Variants in TM9SF1 observed in about 807,000 individuals in gnomAD.
TM9SF1 encodes transmembrane 9 superfamily member 1, also known as MP70 protein family member.
TM9SF1 carries 25 observed loss-of-function variants against 52.4 expected under a neutral mutation model. The ratio of observed to expected loss-of-function variants is 0.48; its 90% CI spans 0.35 to 0.67. The LOEUF is 0.67. TM9SF1 is among the 30% of genes least tolerant of loss of function. The probability of loss-of-function intolerance (pLI) is 0.01; values close to 1 mark genes in which losing one functional copy is unlikely to be tolerated. For synonymous variants in TM9SF1, 284 were observed against 299.8 expected, an observed-to-expected ratio of 0.95 and a Z score of 0.55; for missense variants, 604 against 780.3, an observed-to-expected ratio of 0.77 and a Z score of 2.69.
Position 24,189,289 on chromosome 14 carries a change from C to T in TM9SF1, c.*126G>A. ...CAGGCCCTCTCTGGGGAAGGAATGCCCAAAGGGCAAAAGGGAAGGCAACAA... is the reference window on the plus strand; with the variant it reads ...CAGGCCCTCTCTGGGGAAGGAATGCTCAAAGGGCAAAAGGGAAGGCAACAA... On this transcript the variant is annotated 3_prime_UTR_variant, in exon 6 of 6. Transcript: ENST00000261789. 9.1e-7 allele frequency: 1 copy of T among 1,095,414 alleles called. No homozygotes were observed. 67.9% of individuals were successfully genotyped at this position (1,095,414 alleles called of 1,614,324 possible).
At chr14:24,193,676 T>C (rs1432482016) in intron 2 of TM9SF1, among the ~76,000 whole-genome samples, 5 of 148,800 alleles carry the variant, frequency 3.4e-5, no homozygotes, top group Non-Finnish European at 6.0e-5. Flanking sequence ...ATCCCAACAC[T>C]TTGGGAGGCC....
rs370975656 is a variant in TM9SF1 at position 24,192,216 on chromosome 14, C to T, written c.1108G>A (p.Glu370Lys). 3.3e-5 allele frequency: 53 copies of T among 1,614,068 alleles called. No homozygotes were observed. In the African/African-American group the frequency reaches 4.1e-4, roughly 13 times the overall value. Residue 370 changes from glutamate to lysine, a missense_variant, in exon 4 of 6, where the codon GAG (glutamate) becomes AAG (lysine). By Grantham distance (56) the Glu-to-Lys change is moderately conservative. Transcript: ENST00000261789. The surrounding 1 kb of genome is among the most constrained non-coding windows in gnomAD (Gnocchi z 4.0). ...SSHFYRQIGGERWVWNIILTT... is the reference protein window; with the variant it reads ...SSHFYRQIGGKRWVWNIILTT... ...AGAATGATGTTCCACACCCAACGCT[C>T]GCCTCCAATCTGCCGGTAGAAGTGG... is the stretch of plus-strand genomic sequence containing the variant.
At position 24,193,095 on chromosome 14, in the gene TM9SF1, T is replaced by C. The variant is rs756978670; in HGVS notation, c.520A>G (p.Ile174Val). The change falls in exon 3 of 6, where the codon ATT (isoleucine) becomes GTT (valine). Residue 174 changes from isoleucine (I) to valine (V), a missense_variant. Ile to Val is a conservative substitution (Grantham distance 29, BLOSUM62 3). This residue lies in a region of TM9SF1 where 450 missense variants were observed against 560.1 expected (regional missense o/e 0.80). Transcript: ENST00000261789. ...CGCACTGAAACATTGGCAAATATAA[T>C]TCGGTCTCCATGGAATTCTAGGTGG... is the stretch of plus-strand genomic sequence containing the variant. ...DFHLEFHGDRIIFANVSVRDV... is the reference protein window; with the variant it reads ...DFHLEFHGDRVIFANVSVRDV... The C allele has an allele frequency of 6.2e-7, 1 of 1,614,136 alleles. No homozygotes were observed. Among genetic ancestry groups the C allele is most frequent in the Non-Finnish European group, 8.5e-7 (1 of 1,180,018 alleles).
rs1446696703 is a variant in TM9SF1 at position 24,194,711 on chromosome 14, C to T, written c.309G>A (p.Lys103=). Residue 103 remains lysine (K), a synonymous_variant, in exon 2 of 6, where the codon AAG becomes AAA. Transcript: ENST00000261789. The stretch of plus-strand genomic sequence containing the variant: ...TGAGCTGCATGTGGCACAGAATTCT[C>T]TTCTCCACGTTTTCCCGAAAGCGGA... ...YEIRFRENVE[K]RILCHMQLSS... is the part of the protein sequence containing the mutation. The T allele has an allele frequency of 1.2e-6, 2 of 1,614,026 alleles. No individual in the cohort carries two copies. Among genetic ancestry groups the T allele is most frequent in the African/African-American group, 2.7e-5 (2 of 74,934 alleles).
rs1318296579 is a variant in TM9SF1 at position 24,193,254 on chromosome 14, G to T, written c.361C>A (p.Gln121Lys). 5 of 1,602,280 alleles carry T rather than the reference G, an allele frequency of 3.1e-6. No homozygotes were observed. Among genetic ancestry groups the T allele is most frequent in the Non-Finnish European group, 4.3e-6 (5 of 1,172,752 alleles). ...AAGTAGTACAGTTCTTCAATGGCCTGGCGCAGCTGCTCCACCTATAAAGAG... is the reference window on the plus strand; with the variant it reads ...AAGTAGTACAGTTCTTCAATGGCCTTGCGCAGCTGCTCCACCTATAAAGAG... ...LSSAQVEQLR[Q>K]AIEELYYFEF... Residue 121 changes from glutamine to lysine, a missense_variant, in exon 3 of 6, where the codon CAG becomes AAG. Physicochemically the swap from Gln to Lys is moderately conservative, Grantham distance 53 (BLOSUM62 1). Around this residue, in one of 3 missense-constraint regions of TM9SF1, gnomAD observed 450 missense variants for 560.1 expected, o/e 0.80. Transcript: ENST00000261789.
intron 2 of TM9SF1, among the ~76,000 whole-genome samples, chr14:24,193,622 CCCAAAGTGCT>C (rs2039355575): frequency 6.6e-6 from 1 of 150,842 alleles, no homozygotes; most frequent in Non-Finnish European, 1.5e-5. Context: ...GCCTCGGCCT[CCCAAAGTGCT>C]GGGATTGGTC....
Position 24,194,900 on chromosome 14 carries a change from G to A in TM9SF1, c.120C>T (p.Asp40=), listed in dbSNP as rs771759566. The change falls in exon 2 of 6, where the codon GAC becomes GAT. Residue 40 remains aspartate (D), a synonymous_variant. Coordinates refer to ENST00000261789, the MANE Select transcript of TM9SF1 (RefSeq NM_006405.7). ...CTTTGTTGACATACAGAATAACAGGGTCGCCGGCCTTGTAGTGTGTCACGC... is the reference window on the plus strand; with the variant it reads ...CTTTGTTGACATACAGAATAACAGGATCGCCGGCCTTGTAGTGTGTCACGC... ...VEGVTHYKAG[D]PVILYVNKVG... is the part of the protein sequence containing the mutation. The A allele has an allele frequency of 1.2e-6, 2 of 1,614,222 alleles. No homozygotes were observed. The highest frequency in any genetic ancestry group is 2.2e-5 in the East Asian group (1 of 44,892).
Position 24,189,328 on chromosome 14 carries a change from TTCAG to T in TM9SF1, c.*83_*86del, listed in dbSNP as rs2039280316. 3 of 1,424,624 alleles carry T rather than the reference TTCAG, an allele frequency of 2.1e-6. No homozygotes were observed. Among genetic ancestry groups the T allele is most frequent in the Non-Finnish European group, 2.8e-6 (3 of 1,057,620 alleles). The allele number at this position is 1,424,624 out of a possible 1,614,324, so 88.2% of individuals were successfully genotyped here. A position where few individuals can be genotyped will look rare whatever the true frequency, so the allele number is the denominator to read the frequency against. ...GGAAGGCAACAATGCCATCACACAA[TTCAG>T]TCAATCAGAAGAGAAGCTGGTAGGA... On this transcript the variant is annotated 3_prime_UTR_variant, in exon 6 of 6. Coordinates refer to ENST00000261789, the MANE Select transcript of TM9SF1 (RefSeq NM_006405.7).
In TM9SF1 at chr14:24,192,460, A is replaced by G; in HGVS notation, c.968-104T>C. ...TCTCCCAGACCCAGGGCCTCCAGCA[A>G]AACAATCTCCCCCAGTTTTGCTATC... On this transcript the variant is annotated intron_variant, in intron 3 of 5. Coordinates refer to ENST00000261789, the MANE Select transcript of TM9SF1 (RefSeq NM_006405.7). This position sits in a 1 kb window ranked among gnomAD's most constrained non-coding sequence, Gnocchi z 4.0. The G allele has an allele frequency of 1.4e-6, 2 of 1,424,406 alleles. No homozygotes were observed. The highest frequency in any genetic ancestry group is 9.5e-7 in the Non-Finnish European group (1 of 1,050,968). The allele number at this position is 1,424,406 out of a possible 1,614,324, so 88.2% of individuals were successfully genotyped here. A position where few individuals can be genotyped will look rare whatever the true frequency, so the allele number is the denominator to read the frequency against.
Position 24,193,092 on chromosome 14 carries a change from T to C in TM9SF1, c.523A>G (p.Ile175Val), listed in dbSNP as rs2039348486. The change falls in exon 3 of 6, where the codon ATA becomes GTA. Residue 175 changes from isoleucine (I) to valine (V), a missense_variant. Around this residue, in one of 3 missense-constraint regions of TM9SF1, gnomAD observed 450 missense variants for 560.1 expected, o/e 0.80. Transcript: ENST00000261789. ...FHLEFHGDRI[I>V]FANVSVRDVK... ...TCCCGCACTGAAACATTGGCAAATA[T>C]AATTCGGTCTCCATGGAATTCTAGG... is the stretch of plus-strand genomic sequence containing the variant. The C allele has an allele frequency of 6.2e-7, 1 of 1,614,124 alleles. No homozygotes were observed. Among genetic ancestry groups the C allele is most frequent in the East Asian group, 2.2e-5 (1 of 44,878 alleles).
intron 2 of TM9SF1, 129 bp from the exon 3 acceptor site, chr14:24,193,398 GCT>G: frequency 9.3e-7 from 1 of 1,069,996 alleles, no homozygotes; most frequent in Non-Finnish European, 1.3e-6. Flanking sequence ...ATGGAGTCTT[GCT>G]CTGTCACCCA....
chr14:24,192,389 C>A lies in TM9SF1; in HGVS notation c.968-33G>T, dbSNP rs765685488. 6.3e-7 allele frequency: 1 copy of A among 1,598,032 alleles called. No individual in the cohort carries two copies. Among genetic ancestry groups the A allele is most frequent in the Non-Finnish European group, 8.6e-7 (1 of 1,168,842 alleles). On this transcript the variant is annotated intron_variant, in intron 3 of 5. Transcript: ENST00000261789. The surrounding 1 kb of genome is among the most constrained non-coding windows in gnomAD (Gnocchi z 4.0). ...ACGGTAGCGGAAAGCCCAAGTTAGGCCTCACCTGTGTCTCTTCTAGCAATT... is the reference window on the plus strand; with the variant it reads ...ACGGTAGCGGAAAGCCCAAGTTAGGACTCACCTGTGTCTCTTCTAGCAATT...
chr14:24,195,316 C>G (rs1372529951), intron 1 of TM9SF1, 30 bp downstream of exon 1: 5 of 371,754 alleles, frequency 1.3e-5, no homozygotes, highest in South Asian at 1.2e-4. Context: ...CACCTCGGGT[C>G]CCTTCCCGCC....
Position 24,193,183 on chromosome 14 carries a change from G to A in TM9SF1, c.432C>T (p.Tyr144=). Residue 144 remains tyrosine (Y), a synonymous_variant, in exon 3 of 6, where the codon TAC becomes TAT. Transcript: ENST00000261789. ...DDLPIRGFVG[Y]MEESGFLPHS... is the part of the protein sequence containing the mutation. Reference sequence around the variant, plus strand: ...GTGGCAGGAAACCACTCTCCTCCATGTAGCCCACAAAGCCCCGGATTGGCA... The same window carrying A: ...GTGGCAGGAAACCACTCTCCTCCATATAGCCCACAAAGCCCCGGATTGGCA... The A allele has an allele frequency of 6.2e-7, 1 of 1,614,084 alleles. No individual in the cohort carries two copies. The highest frequency in any genetic ancestry group is 8.5e-7 in the Non-Finnish European group (1 of 1,180,018).
rs368010811 is a variant in TM9SF1, at chr14:24,190,320, G to T, written c.1427+60C>A. 232 of 1,531,106 alleles carry T rather than the reference G, an allele frequency of 1.5e-4. 1 individual carries two copies. In the African/African-American group the frequency reaches 3.0e-3, roughly 20 times the overall value. The allele number at this position is 1,531,106 out of a possible 1,614,324, so 94.8% of individuals were successfully genotyped here. On this transcript the variant is annotated intron_variant, in intron 5 of 5. Coordinates refer to ENST00000261789, the MANE Select transcript of TM9SF1 (RefSeq NM_006405.7). The stretch of plus-strand genomic sequence containing the variant: ...TGGGTTAGGGTACTGGATGAGTAGG[G>T]ACAGGAAAAATTGAGGTCAGGAACC...
Position 24,189,525 on chromosome 14 carries a change from C to G in TM9SF1, c.1711G>C (p.Gly571Arg). Reference protein sequence around the residue: ...SGAVQTVEFFGYSLLTGYVFF... With the variant: ...SGAVQTVEFFRYSLLTGYVFF... Reference sequence around the variant, plus strand: ...ACATAACCAGTGAGTAAGGAGTAGCCGAAGAACTCTACTGTCTGTACTGCC... The same window carrying G: ...ACATAACCAGTGAGTAAGGAGTAGCGGAAGAACTCTACTGTCTGTACTGCC... Residue 571 changes from glycine (G) to arginine (R), a missense_variant, in exon 6 of 6, where the codon GGC (glycine) becomes CGC (arginine). Physicochemically the swap from Gly to Arg is moderately radical, Grantham distance 125 (BLOSUM62 -2). Coordinates refer to ENST00000261789, the MANE Select transcript of TM9SF1 (RefSeq NM_006405.7). The G allele has an allele frequency of 6.2e-7, 1 of 1,614,066 alleles. No homozygotes were observed. The highest frequency in any genetic ancestry group is 1.1e-5 in the South Asian group (1 of 91,072).
At position 24,189,357 on chromosome 14, in the gene TM9SF1, A is replaced by G; in HGVS notation, c.*58T>C. On this transcript the variant is annotated 3_prime_UTR_variant, in exon 6 of 6. Coordinates refer to ENST00000261789, the MANE Select transcript of TM9SF1 (RefSeq NM_006405.7). ...GTCAATCAGAAGAGAAGCTGGTAGG[A>G]GAGTTCAACAGGGCATGAAGAAAGG... The G allele has an allele frequency of 6.6e-7, 1 of 1,520,498 alleles. No individual in the cohort carries two copies. The highest frequency in any genetic ancestry group is 8.9e-7 in the Non-Finnish European group (1 of 1,129,366). 94.2% of individuals were successfully genotyped at this position (1,520,498 alleles called of 1,614,324 possible). A position where few individuals can be genotyped will look rare whatever the true frequency, so the allele number is the denominator to read the frequency against.
intron 4 of TM9SF1, among the ~76,000 whole-genome samples, chr14:24,191,032 A>AT (rs1240047011): frequency 2.2e-4 from 34 of 151,496 alleles, no homozygotes; most frequent in African/African-American, 7.7e-4. Context: ...CGCCCGGCTA[A>AT]TTTTTTGTAT....
chr14:24,195,172 C>G, intron 1 of TM9SF1, 136 bp from the exon 2 acceptor site: 3 of 631,068 alleles, frequency 4.8e-6, no homozygotes, highest in Non-Finnish European at 5.5e-6. Flanking sequence ...CCACGTCTCT[C>G]TATCCCAAAG....
Sources: allele counts gnomAD v4.1 joint callset (sites outside exome capture counted in the v4.1 genomes callset), GRCh38; gene constraint gnomAD v4.1.1; regional missense constraint gnomAD v4.1.1; non-coding constraint Gnocchi (gnomAD v3.1); transcripts MANE v1.5; gene names NCBI Gene and HGNC (gene_info 2026-07-23, HGNC 2026-07-21).